The following PTPN3 variants were observed in gnomAD, a reference collection of about 807,000 sequenced individuals.
The protein encoded by PTPN3 is protein tyrosine phosphatase non-receptor type 3, also known as tyrosine-protein phosphatase non-receptor type 3.
Under a neutral mutation model 132.7 loss-of-function variants are expected in PTPN3, and 96 were observed. That is an observed-to-expected ratio of 0.72 (90% CI 0.61 to 0.86). The LOEUF (loss-of-function observed/expected upper bound fraction) is 0.86, where lower values mean the gene tolerates loss of function less well. PTPN3 is among the 40% of genes least tolerant of loss of function. The pLI is 0.00. For synonymous variants in PTPN3, 398 were observed against 429.0 expected (o/e 0.93, Z 0.89); for missense variants, 1,125 against 1,159.6 (o/e 0.97, Z 0.43).
the PTPN3 span, among the ~76,000 whole-genome samples, chr9:109,514,773 C>G: frequency 1.3e-5 from 2 of 152,262 alleles, no homozygotes; most frequent in Middle Eastern, 3.4e-3. Flanking sequence ...TGACTTTGGG[C>G]TTGGCCTTGT....
chr9:109,380,309 G>C (rs1463647302), intron 25 of PTPN3, among the ~76,000 whole-genome samples: 2 of 152,016 alleles, frequency 1.3e-5, no homozygotes, highest in Non-Finnish European at 2.9e-5. Context: ...AGGCTGGAGT[G>C]CAGTGGCGTA....
chr9:109,424,383 G>A (rs1843097843), intron 12 of PTPN3, among the ~76,000 whole-genome samples: 2 of 152,194 alleles, frequency 1.3e-5, no homozygotes, highest in South Asian at 2.1e-4. Flanking sequence ...CTGCTGACTT[G>A]TCCTCCCAAG....
upstream of PTPN3, among the ~76,000 whole-genome samples, chr9:109,499,843 C>T (rs960382324): frequency 2.6e-5 from 4 of 152,194 alleles, no homozygotes; most frequent in African/African-American, 4.8e-5. Context: ...GGCAGGACCG[C>T]CCGCGCCCCG....
intron 1 of PTPN3, among the ~76,000 whole-genome samples, chr9:109,479,874 T>A (rs1024610159): frequency 6.6e-6 from 1 of 152,106 alleles, no homozygotes; most frequent in African/African-American, 2.4e-5. Flanking sequence ...CTGGCCCTAT[T>A]ATGTACAGCT....
chr9:109,483,471 A>C (rs1303423167), intron 1 of PTPN3, among the ~76,000 whole-genome samples: 1 of 152,152 alleles, frequency 6.6e-6, no homozygotes, highest in African/African-American at 2.4e-5. Flanking sequence ...CCGGGAACTC[A>C]CAAATCAATC....
intron 1 of PTPN3, among the ~76,000 whole-genome samples, chr9:109,471,679 T>A (rs1846389778): frequency 6.6e-6 from 1 of 151,868 alleles, no homozygotes; most frequent in South Asian, 2.1e-4. Context: ...CACTTTTTTT[T>A]TTTTTAAAGA....
upstream of PTPN3, among the ~76,000 whole-genome samples, chr9:109,501,175 T>G (rs947962610): frequency 6.6e-6 from 1 of 152,222 alleles, no homozygotes; most frequent in African/African-American, 2.4e-5. Context: ...ATTATCAAGC[T>G]CAAGTACGAT....
In PTPN3 at chr9:109,378,413, T is replaced by C. The variant is rs1053895967; in HGVS notation, c.*1143A>G. On this transcript the variant is annotated 3_prime_UTR_variant, in exon 26 of 26. Transcript: ENST00000374541. ...TTTATATTCAGATAGTCTGATCCTC[T>C]CCTTTGAAATGCAATGGAGACCATT... 6.6e-6 allele frequency: 1 copy of C among 152,640 alleles called. No individual in the cohort carries two copies. Among genetic ancestry groups the C allele is most frequent in the African/African-American group, 2.4e-5 (1 of 41,444 alleles). The allele number at this position is 152,640 out of a possible 1,614,324, so 9.5% of individuals were successfully genotyped here.
At chr9:109,445,533 A>C (rs988477806) in intron 6 of PTPN3, among the ~76,000 whole-genome samples, 3 of 152,216 alleles carry the variant, frequency 2.0e-5, no homozygotes, top group African/African-American at 7.2e-5. Context: ...AAATACCATG[A>C]AACTAAAGGA....
chr9:109,439,046 A>G (rs775957908), intron 7 of PTPN3, among the ~76,000 whole-genome samples: 4 of 152,192 alleles, frequency 2.6e-5, no homozygotes, highest in Non-Finnish European at 5.9e-5. Context: ...TTGTCTGCCA[A>G]TGTGAATTGA....
chr9:109,427,158 G>A (rs1273709517), intron 11 of PTPN3, 36 bp from the exon 12 acceptor site: 1 of 1,604,428 alleles, frequency 6.2e-7, no homozygotes, highest in East Asian at 2.2e-5. Context: ...CACCCACACA[G>A]ACATAGGAGC....
intron 1 of PTPN3, among the ~76,000 whole-genome samples, chr9:109,487,516 C>T (rs940138062): frequency 4.6e-5 from 7 of 152,338 alleles, no homozygotes; most frequent in African/African-American, 1.7e-4. Context: ...GAGAATCACA[C>T]GCTCTGGGGG....
At chr9:109,432,815 C>T (rs1843758666) in intron 10 of PTPN3, among the ~76,000 whole-genome samples, 1 of 152,192 alleles carries the variant, frequency 6.6e-6, no homozygotes, top group South Asian at 2.1e-4. Context: ...CAAGGCCTGC[C>T]TGTGCCATTT....
At chr9:109,506,730 G>A in the PTPN3 span, among the ~76,000 whole-genome samples, 1 of 151,828 alleles carries the variant, frequency 6.6e-6, no homozygotes, top group Non-Finnish European at 1.5e-5. Context: ...AGCCTTCCAA[G>A]TAGCTGGGAC....
chr9:109,376,863 C>G lies in PTPN3; in HGVS notation c.*2693G>C, dbSNP rs1423268366. The G allele has an allele frequency of 6.6e-6, 1 of 152,144 alleles. No individual in the cohort carries two copies. The highest frequency in any genetic ancestry group is 2.4e-5 in the African/African-American group (1 of 41,430). The allele number at this position is 152,144 out of a possible 1,614,324, so 9.4% of individuals were successfully genotyped here. ...AGGTAATTCTCTTGTCTTGTTCTTC[C>G]CAGTATTTCCTGGATTTGTTCCTGG... On this transcript the variant is annotated 3_prime_UTR_variant, in exon 26 of 26. Transcript: ENST00000374541.
chr9:109,448,862 A>T lies in PTPN3; in HGVS notation c.369-7T>A. On this transcript the variant is annotated splice_region_variant and splice_polypyrimidine_tract_variant and intron_variant, in intron 5 of 25. Coordinates refer to ENST00000374541, the MANE Select transcript of PTPN3 (RefSeq NM_002829.4). ...TTGTAAGAAATACAAGTGCCTATGA[A>T]ACAATTGTTTTCATTAATTCATACT... 1 of 1,591,802 alleles carries T rather than the reference A, an allele frequency of 6.3e-7. No individual in the cohort carries two copies.
chr9:109,443,006 C>T (rs1844602363), intron 7 of PTPN3, among the ~76,000 whole-genome samples: 1 of 151,940 alleles, frequency 6.6e-6, no homozygotes, highest in East Asian at 1.9e-4. Context: ...TCACTCACCT[C>T]AGTTTTACAG....
chr9:109,480,615 T>C (rs1447232382), intron 1 of PTPN3, among the ~76,000 whole-genome samples: 1 of 152,264 alleles, frequency 6.6e-6, no homozygotes, highest in African/African-American at 2.4e-5. Context: ...AATTCAAGGT[T>C]GTGAAGGTTT....
chr9:109,423,561 G>A (rs760486185), intron 12 of PTPN3, among the ~76,000 whole-genome samples: 3 of 152,098 alleles, frequency 2.0e-5, no homozygotes, highest in Non-Finnish European at 4.4e-5. Context: ...AGCCAAGATC[G>A]CACCACTGCA....
Sources: gnomAD v4.1 joint callset for allele counts (sites outside exome capture counted in the v4.1 genomes callset) on GRCh38, gnomAD v4.1.1 for gene constraint, MANE v1.5 for transcripts, NCBI Gene and HGNC (gene_info 2026-07-23, HGNC 2026-07-21) for gene names.